The following BAHCC1 variants were observed in gnomAD, a reference collection of about 807,000 sequenced individuals.
BAHCC1 encodes BAH domain and coiled-coil containing 1.
Under a neutral mutation model 88.2 loss-of-function variants are expected in BAHCC1, and 43 were observed. That is an observed-to-expected ratio of 0.49 (90% CI 0.38 to 0.63). BAHCC1 has a LOEUF of 0.63. BAHCC1 is among the 20% of genes least tolerant of loss of function. The pLI is 0.00. For missense variants in BAHCC1, 3,023 were observed against 1,654.8 expected (o/e 1.83, Z -14.34); for synonymous variants, 1,510 against 745.5 (o/e 2.03, Z -16.71).
intron 2 of BAHCC1, among the ~76,000 whole-genome samples, chr17:81,414,261 C>G (rs2063991390): frequency 6.6e-6 from 1 of 152,240 alleles, no homozygotes; most frequent in Non-Finnish European, 1.5e-5. Context: ...CAGCGAGGGC[C>G]AATGCCTGGC....
At position 81,458,407 on chromosome 17, in the gene BAHCC1, G is replaced by A; in HGVS notation, c.5284G>A (p.Ala1762Thr). Residue 1762 changes from alanine to threonine, a missense_variant, in exon 18 of 28, where the codon GCC becomes ACC. Transcript: ENST00000675386. ...CTGCCGTGAGGAGGGCAGCCAGCTG[G>A]CCAGTGAGCGCCTCAAGAGGGCCAC... The part of the protein sequence containing the change: ...FACREEGSQL[A>T]SERLKRATRK... 3 of 743,008 alleles carry A rather than the reference G, an allele frequency of 4.0e-6. No homozygotes were observed. The highest frequency in any genetic ancestry group is 7.4e-6 in the Non-Finnish European group (3 of 403,326). The allele number at this position is 743,008 out of a possible 1,614,324, so 46.0% of individuals were successfully genotyped here. A position where few individuals can be genotyped will look rare whatever the true frequency, so the allele number is the denominator to read the frequency against.
intron 2 of BAHCC1, among the ~76,000 whole-genome samples, chr17:81,419,604 A>T (rs1800590826): frequency 5.0e-5 from 7 of 141,248 alleles, no homozygotes; most frequent in Admixed American, 4.8e-4. Context: ...CCGAGGGAAG[A>T]GGGGAGCCTG....
intron 2 of BAHCC1, chr17:81,413,090 A>T: frequency 2.3e-6 from 1 of 441,500 alleles, no homozygotes; most frequent in Non-Finnish European, 4.5e-6. Context: ...AAAGGTGAAC[A>T]CCAGGGTCCA....
In BAHCC1 at chr17:81,399,688, C is replaced by T; in HGVS notation, c.-52C>T. On this transcript the variant is annotated 5_prime_UTR_variant, in exon 2 of 28. Transcript: ENST00000675386. The surrounding 1 kb of genome is among the most constrained non-coding windows in gnomAD (Gnocchi z 4.5). ...CCCGCGCGCCGAGCCGCCCCCGGGC[C>T]CCGGCCGCGCTGCTCCGAGGAAGCG... 1.0e-6 allele frequency: 1 copy of T among 994,174 alleles called. No homozygotes were observed. Among genetic ancestry groups the T allele is most frequent in the Non-Finnish European group, 1.2e-6 (1 of 837,440 alleles). 61.6% of individuals were successfully genotyped at this position (994,174 alleles called of 1,614,324 possible). A position where few individuals can be genotyped will look rare whatever the true frequency, so the allele number is the denominator to read the frequency against.
intron 2 of BAHCC1, among the ~76,000 whole-genome samples, chr17:81,409,806 G>A (rs981379817): frequency 6.6e-6 from 1 of 152,226 alleles, no homozygotes; most frequent in Non-Finnish European, 1.5e-5. Context: ...GCTGGGCTGT[G>A]CCAGCGAGGG....
At chr17:81,403,390 G>T (rs2063840136) in intron 2 of BAHCC1, among the ~76,000 whole-genome samples, 2 of 152,066 alleles carry the variant, frequency 1.3e-5, no homozygotes, top group South Asian at 4.1e-4. Context: ...TGAGCCTGGG[G>T]TTATTGTGGG....
chr17:81,400,304 G>A (rs1228936036), intron 2 of BAHCC1, among the ~76,000 whole-genome samples: 1 of 152,242 alleles, frequency 6.6e-6, no homozygotes, highest in Non-Finnish European at 1.5e-5. Flanking sequence ...GCTTTCTGCG[G>A]AAACAAAACG....
intron 10 of BAHCC1, chr17:81,446,779 C>T (rs1555654479): frequency 1.5e-6 from 1 of 658,376 alleles, no homozygotes; most frequent in East Asian, 2.9e-5. Flanking sequence ...TCTCGAATTC[C>T]TGGCCTCAAA....
rs1230374511 is a variant in BAHCC1 at position 81,399,420 on chromosome 17, G to C, written c.-206-114G>C. ...CCGCCACCCGGCCTGGCCGCCGCTC[G>C]CTCGGGCCGGCGGGGGTGGGGGGTG... On this transcript the variant is annotated intron_variant, in intron 1 of 27. Transcript: ENST00000675386. This position sits in a 1 kb window ranked among gnomAD's most constrained non-coding sequence, Gnocchi z 4.5. 7.6e-6 allele frequency: 1 copy of C among 132,414 alleles called. No homozygotes were observed. The highest frequency in any genetic ancestry group is 2.7e-5 in the African/African-American group (1 of 36,796). 8.2% of individuals were successfully genotyped at this position (132,414 alleles called of 1,614,324 possible).
chr17:81,442,039 CA>C lies in BAHCC1; in HGVS notation c.692del (p.Lys231ArgfsTer69). The C allele has an allele frequency of 2.8e-6, 2 of 720,338 alleles. No homozygotes were observed. Among genetic ancestry groups the C allele is most frequent in the Admixed American group, 2.0e-5 (1 of 50,402 alleles). The allele number at this position is 720,338 out of a possible 1,614,324, so 44.6% of individuals were successfully genotyped here. ...AAGAGCTGGGCAGAGAGAAGGCGGG[CA>C]AGGCCGCTGAGGGCAAGGAGCGGCC... is the stretch of plus-strand genomic sequence containing the variant. Reference protein sequence around the residue: ...GKELGREKAGKAAEGKERPAA... With the variant: ...GKELGREKAGXAAEGKERPAA... On this transcript the variant is annotated frameshift_variant, in exon 5 of 28. Coordinates refer to ENST00000675386, the MANE Select transcript of BAHCC1 (RefSeq NM_001377448.1). LOFTEE classifies it high-confidence loss of function.
Position 81,458,380 on chromosome 17 carries a change from G to T in BAHCC1, c.5257G>T (p.Ala1753Ser). Reference sequence around the variant, plus strand: ...CCTCTTCAACCCCTCTCGGGCCTTCGCCTGCCGTGAGGAGGGCAGCCAGCT... The same window carrying T: ...CCTCTTCAACCCCTCTCGGGCCTTCTCCTGCCGTGAGGAGGGCAGCCAGCT... ...DALFNPSRAF[A>S]CREEGSQLAS... is the part of the protein sequence containing the mutation. Residue 1753 changes from alanine (A) to serine (S), a missense_variant, in exon 18 of 28, where the codon GCC becomes TCC. By Grantham distance (99) the Ala-to-Ser change is moderately conservative. Transcript: ENST00000675386. The T allele has an allele frequency of 1.4e-6, 1 of 716,716 alleles. No individual in the cohort carries two copies. Among genetic ancestry groups the T allele is most frequent in the South Asian group, 1.5e-5 (1 of 66,730 alleles). 44.4% of individuals were successfully genotyped at this position (716,716 alleles called of 1,614,324 possible). A position where few individuals can be genotyped will look rare whatever the true frequency, so the allele number is the denominator to read the frequency against.
intron 2 of BAHCC1, among the ~76,000 whole-genome samples, chr17:81,416,631 T>G (rs2064035301): frequency 6.6e-6 from 1 of 151,864 alleles, no homozygotes; most frequent in South Asian, 2.1e-4. Flanking sequence ...TCCATGAGGA[T>G]GGGTGTATGC....
intron 7 of BAHCC1, 32 bp from the exon 8 acceptor site, chr17:81,444,636 G>A (rs11655860): frequency 0.29 from 220,408 of 764,856 alleles, 35,938 homozygotes; most frequent in Non-Finnish European, 0.34. Context: ...CCGAGAGTGC[G>A]AGGCCTGACC....
chr17:81,444,811 G>A lies in BAHCC1; in HGVS notation c.2656G>A (p.Ala886Thr), dbSNP rs370519547. The change falls in exon 8 of 28, where the codon GCC (alanine) becomes ACC (threonine). Residue 886 changes from alanine to threonine, a missense_variant. By Grantham distance (58) the Ala-to-Thr change is moderately conservative. Coordinates refer to ENST00000675386, the MANE Select transcript of BAHCC1 (RefSeq NM_001377448.1). ...ILPSEPTPHS[A>T]PHALADVMDQ... Reference sequence around the variant, plus strand: ...GCCCTCAGAGCCCACACCCCACAGCGCCCCCCACGCACTTGGTAAGGGCCC... The same window carrying A: ...GCCCTCAGAGCCCACACCCCACAGCACCCCCCACGCACTTGGTAAGGGCCC... 129 of 776,358 alleles carry A rather than the reference G, an allele frequency of 1.7e-4. No homozygotes were observed. The highest frequency in any genetic ancestry group is 1.5e-3 in the African/African-American group (86 of 59,124). The allele number at this position is 776,358 out of a possible 1,614,324, so 48.1% of individuals were successfully genotyped here. A position where few individuals can be genotyped will look rare whatever the true frequency, so the allele number is the denominator to read the frequency against.
intron 3 of BAHCC1, among the ~76,000 whole-genome samples, chr17:81,437,066 G>A (rs1555651842): frequency 1.3e-5 from 2 of 152,202 alleles, no homozygotes; most frequent in African/African-American, 4.8e-5. Flanking sequence ...GGGACCCACT[G>A]GGATTGCGGT....
intron 2 of BAHCC1, chr17:81,402,402 C>T (rs531692344): frequency 2.6e-5 from 4 of 152,290 alleles, no homozygotes; most frequent in South Asian, 2.1e-4. Flanking sequence ...GATCACTTTG[C>T]TTTGGTCTGT....
rs1555647760 is a variant in BAHCC1 at position 81,411,079 on chromosome 17, C to G, written c.178+11162C>G. On this transcript the variant is annotated intron_variant, in intron 2 of 27. Coordinates refer to ENST00000675386, the MANE Select transcript of BAHCC1 (RefSeq NM_001377448.1). The surrounding 1 kb of genome is among the most constrained non-coding windows in gnomAD (Gnocchi z 6.2). ...CCCCTCGGGCCTGAGGGGTCCCTCTCTCTGGGGTCACGCTCCCTTGTTCTC... is the reference window on the plus strand; with the variant it reads ...CCCCTCGGGCCTGAGGGGTCCCTCTGTCTGGGGTCACGCTCCCTTGTTCTC... 1 of 519,252 alleles carries G rather than the reference C, an allele frequency of 1.9e-6. No homozygotes were observed. Among genetic ancestry groups the G allele is most frequent in the African/African-American group, 1.9e-5 (1 of 51,940 alleles). 32.2% of individuals were successfully genotyped at this position (519,252 alleles called of 1,614,324 possible).
chr17:81,409,867 G>C lies in BAHCC1; in HGVS notation c.178+9950G>C, dbSNP rs550960604. Among the ~76,000 whole-genome samples, 4 of 152,328 alleles carry C rather than the reference G, an allele frequency of 2.6e-5. No homozygotes were observed. In the South Asian group the frequency reaches 8.3e-4, roughly 32 times the overall value. On this transcript the variant is annotated intron_variant, in intron 2 of 27. Transcript: ENST00000675386. ...TCACCAGGCAACAGCGCTGCCTCAG[G>C]CCCTTCACATTGTGGGTTTTGCCTT...
intron 1 of BAHCC1, among the ~76,000 whole-genome samples, chr17:81,397,297 G>T (rs1415873156): frequency 6.6e-6 from 1 of 152,122 alleles, no homozygotes; most frequent in South Asian, 2.1e-4. Flanking sequence ...CCGCCCGCAG[G>T]GGGTGGGAGA....
Sources: gnomAD v4.1 joint callset for allele counts (sites outside exome capture counted in the v4.1 genomes callset) on GRCh38, gnomAD v4.1.1 for gene constraint, Gnocchi (gnomAD v3.1) non-coding constraint, MANE v1.5 for transcripts, NCBI Gene and HGNC (gene_info 2026-07-23, HGNC 2026-07-21) for gene names.